TTC28: variants seen among roughly 807,000 people sequenced by gnomAD.
TTC28 encodes the protein tetratricopeptide repeat domain 28.
Under a neutral mutation model 198.0 loss-of-function variants are expected in TTC28, and 61 were observed. That is an observed-to-expected ratio of 0.31 (90% CI 0.25 to 0.38). The LOEUF is 0.38. Ranked by LOEUF, TTC28 falls within the 10% of genes least tolerant of loss-of-function variation. TTC28 has a pLI of 1.00. For missense variants in TTC28, 2,678 were observed against 3,164.0 expected (o/e 0.85, Z 3.69); for synonymous variants, 1,171 against 1,297.8 (o/e 0.90, Z 2.10).
chr22:28,554,093 G>A (rs1469399207), intron 2 of TTC28, among the ~76,000 whole-genome samples: 1 of 152,140 alleles, frequency 6.6e-6, no homozygotes, highest in Admixed American at 6.5e-5. Context: ...TGTGCTCTCT[G>A]AAACATGTGC....
intron 5 of TTC28, among the ~76,000 whole-genome samples, chr22:28,197,743 G>C (rs954873781): frequency 3.3e-5 from 5 of 152,050 alleles, no homozygotes; most frequent in African/African-American, 1.2e-4. Context: ...GTGTGGGTGT[G>C]CTGGCTCACA....
chr22:28,204,751 C>A (rs774638241), intron 5 of TTC28, among the ~76,000 whole-genome samples: 3 of 152,020 alleles, frequency 2.0e-5, no homozygotes, highest in Non-Finnish European at 4.4e-5. Context: ...AAATCCCAAT[C>A]CATTTGGGAT....
chr22:28,296,644 A>T (rs1700145636), intron 4 of TTC28, among the ~76,000 whole-genome samples: 3 of 152,202 alleles, frequency 2.0e-5, no homozygotes, highest in Admixed American at 2.0e-4. Context: ...TTGCCCTGCT[A>T]ATGACCTTTG....
At chr22:27,993,250 C>T (rs1271592199) in intron 18 of TTC28, 37 bp downstream of exon 18, 4 of 1,460,572 alleles carry the variant, frequency 2.7e-6, no homozygotes, top group Non-Finnish European at 3.6e-6. Context: ...CTGCTGTCAG[C>T]CAGGCCTGTT....
At chr22:28,010,291 C>A (rs1454719755) in intron 14 of TTC28, among the ~76,000 whole-genome samples, 2 of 152,192 alleles carry the variant, frequency 1.3e-5, no homozygotes, top group Non-Finnish European at 2.9e-5. Flanking sequence ...AAGTCCATAA[C>A]CTTCCCCCTT....
At chr22:28,297,972 T>G (rs1422026368) in intron 3 of TTC28, 120 bp from the exon 4 acceptor site, 1 of 1,159,968 alleles carries the variant, frequency 8.6e-7, no homozygotes, top group Non-Finnish European at 1.2e-6. Context: ...TTATTTCAAG[T>G]ATAAACTCTT....
intron 8 of TTC28, among the ~76,000 whole-genome samples, chr22:28,102,846 AATTCAC>A (rs1399902588): frequency 6.6e-6 from 1 of 152,260 alleles, no homozygotes; most frequent in Non-Finnish European, 1.5e-5. Context: ...ATTTGTAAAT[AATTCAC>A]ATTTTTAAAC....
At chr22:28,345,702 T>C (rs1195297416) in intron 2 of TTC28, among the ~76,000 whole-genome samples, 1 of 152,170 alleles carries the variant, frequency 6.6e-6, no homozygotes. Context: ...TTTTATTGAA[T>C]AGAAATCAGA....
chr22:28,007,444 CT>C (rs1310367853), intron 14 of TTC28: 1 of 152,154 alleles, frequency 6.6e-6, no homozygotes, highest in Non-Finnish European at 1.5e-5. Flanking sequence ...CAACCGCCCA[CT>C]GGTTTGCCTG....
intron 12 of TTC28, among the ~76,000 whole-genome samples, chr22:28,066,313 G>GTTGTGTGTT (rs908492206): frequency 2.6e-5 from 4 of 151,752 alleles, no homozygotes; most frequent in African/African-American, 9.7e-5. Flanking sequence ...TGGTGTGTGT[G>GTTGTGTGTT]TGTGTGTGTG....
chr22:28,110,841 A>T (rs2146911197), intron 6 of TTC28, among the ~76,000 whole-genome samples: 1 of 151,980 alleles, frequency 6.6e-6, no homozygotes, highest in South Asian at 2.1e-4. Context: ...AGGCTGAGGT[A>T]GGAGGATCAT....
intron 19 of TTC28, 97 bp downstream of exon 19, chr22:27,992,490 C>A: frequency 8.1e-7 from 1 of 1,227,796 alleles, no homozygotes. Context: ...GGTGAGACTG[C>A]ATTCACTTAC....
chr22:28,538,312 T>A (rs2049337285), intron 2 of TTC28, among the ~76,000 whole-genome samples: 1 of 152,110 alleles, frequency 6.6e-6, no homozygotes, highest in African/African-American at 2.4e-5. Context: ...GGTCTCGAAC[T>A]CCTTGACTCA....
chr22:28,110,935 TAAA>T (rs796954055), intron 6 of TTC28, among the ~76,000 whole-genome samples: 2 of 133,196 alleles, frequency 1.5e-5, no homozygotes. Flanking sequence ...ACCCTGCCTT[TAAA>T]AAAAAAAAAA....
Position 28,339,785 on chromosome 22 carries a change from C to T in TTC28, c.382-33142G>A, listed in dbSNP as rs534392521. 2.6e-5 allele frequency among the ~76,000 whole-genome samples: 4 copies of T among 152,282 alleles called. No individual in the cohort carries two copies. In the South Asian group the frequency reaches 8.3e-4, roughly 32 times the overall value. ...AGTGACCCGATTTTCCAGGTGCCAT[C>T]TGTCACCCCTTTCTTTGACTAGGAA... On this transcript the variant is annotated intron_variant, in intron 2 of 22. Coordinates refer to ENST00000397906, the MANE Select transcript of TTC28 (RefSeq NM_001145418.2).
chr22:28,082,330 G>A (rs1358741773), intron 12 of TTC28, among the ~76,000 whole-genome samples: 2 of 152,164 alleles, frequency 1.3e-5, no homozygotes, highest in African/African-American at 2.4e-5. Flanking sequence ...CCTTGTTCCT[G>A]GTCTTACATG....
At chr22:28,427,861 C>A (rs549013487) in intron 2 of TTC28, among the ~76,000 whole-genome samples, 2 of 152,128 alleles carry the variant, frequency 1.3e-5, no homozygotes. Context: ...TTCTCCTCCC[C>A]TCCTACCTTC....
At chr22:28,262,237 G>A (rs966133869) in intron 5 of TTC28, among the ~76,000 whole-genome samples, 1 of 152,030 alleles carries the variant, frequency 6.6e-6, no homozygotes. Flanking sequence ...GAGACACCTT[G>A]GTGTCTCATT....
chr22:28,066,537 G>A lies in TTC28; in HGVS notation c.3932+27543C>T, dbSNP rs928997234. On this transcript the variant is annotated intron_variant, in intron 12 of 22. Coordinates refer to ENST00000397906, the MANE Select transcript of TTC28 (RefSeq NM_001145418.2). ...CCACCATTCTACTCTCTTCTTCTATGACTTAGATTTTTATAGTCTACATAT... is the reference window on the plus strand; with the variant it reads ...CCACCATTCTACTCTCTTCTTCTATAACTTAGATTTTTATAGTCTACATAT... Among the ~76,000 whole-genome samples, 3 of 152,032 alleles carry A rather than the reference G, an allele frequency of 2.0e-5. 1 individual carries two copies. The South Asian group carries it at 6.2e-4, about 32-fold the overall frequency.
Sources: allele counts gnomAD v4.1 joint callset (sites outside exome capture counted in the v4.1 genomes callset), GRCh38; gene constraint gnomAD v4.1.1; transcripts MANE v1.5; gene names NCBI Gene and HGNC (gene_info 2026-07-23, HGNC 2026-07-21).